The following CPLANE1 variants were observed in gnomAD, a reference collection of about 807,000 sequenced individuals.
CPLANE1 encodes the protein ciliogenesis and planar polarity effector 1.
In CPLANE1, 263 loss-of-function variants were observed where a neutral mutation model predicts 362.5. The observed-to-expected ratio is 0.73, with a 90% CI of 0.66 to 0.80. CPLANE1 has a LOEUF of 0.80. CPLANE1 is among the 30% of genes least tolerant of loss of function. The pLI is 0.00. For missense variants in CPLANE1, 3,461 were observed against 3,793.4 expected (o/e 0.91, Z 2.30); for synonymous variants, 1,212 against 1,302.6 (o/e 0.93, Z 1.50).
In CPLANE1 at chr5:37,180,007, A is replaced by G; in HGVS notation, c.5737+10T>C. The G allele has an allele frequency of 6.6e-7, 1 of 1,520,130 alleles. No homozygotes were observed. Among genetic ancestry groups the G allele is most frequent in the Non-Finnish European group, 8.8e-7 (1 of 1,138,246 alleles). 94.2% of individuals were successfully genotyped at this position (1,520,130 alleles called of 1,614,324 possible). ...AAAGCCAAAAAAATAGATTATCTAA[A>G]TGAACTGACCTTCATAGTCTGATAT... On this transcript the variant is annotated intron_variant, in intron 28 of 52. Coordinates refer to ENST00000651892, the MANE Select transcript of CPLANE1 (RefSeq NM_001384732.1).
the CPLANE1 span, among the ~76,000 whole-genome samples, chr5:37,101,091 A>G: frequency 3.9e-5 from 6 of 152,172 alleles, no homozygotes; most frequent in African/African-American, 1.4e-4. Flanking sequence ...TCCTATTTGA[A>G]TATGCTTTTT....
At chr5:37,156,809 A>C (rs1434168247) in intron 41 of CPLANE1, among the ~76,000 whole-genome samples, 1 of 152,196 alleles carries the variant, frequency 6.6e-6, no homozygotes, top group East Asian at 1.9e-4. Context: ...GAGGAAGGTA[A>C]GGGATGAGAA....
chr5:37,198,996 C>T, intron 19 of CPLANE1, 130 bp from the exon 20 acceptor site: 1 of 766,976 alleles, frequency 1.3e-6, no homozygotes, highest in Non-Finnish European at 2.0e-6. Flanking sequence ...CTTTGGAAGG[C>T]TGAAGCAGGA....
chr5:37,102,950 T>C (rs1392420571), downstream of CPLANE1, among the ~76,000 whole-genome samples: 1 of 152,220 alleles, frequency 6.6e-6, no homozygotes, highest in African/African-American at 2.4e-5. Flanking sequence ...AATATCTTTG[T>C]TAATTTTCTG....
rs186539221 is a variant in CPLANE1, at chr5:37,212,634, A to G, written c.2920+925T>C. Among the ~76,000 whole-genome samples, 701 of 152,370 alleles carry G rather than the reference A, an allele frequency of 4.6e-3. 5 individuals are homozygous for G. The highest frequency in any genetic ancestry group is 0.017 in the Middle Eastern group (5 of 294). On this transcript the variant is annotated intron_variant, in intron 16 of 52. Coordinates refer to ENST00000651892, the MANE Select transcript of CPLANE1 (RefSeq NM_001384732.1). Reference sequence around the variant, plus strand: ...ATAAAAATTAGAATGAATGAATATCATAGAAATTTGTGTACCTGTTTATAC... The same window carrying G: ...ATAAAAATTAGAATGAATGAATATCGTAGAAATTTGTGTACCTGTTTATAC...
chr5:37,163,995 C>T (rs1253076851), intron 37 of CPLANE1, among the ~76,000 whole-genome samples: 1 of 152,174 alleles, frequency 6.6e-6, no homozygotes. Flanking sequence ...AGGAGAATGA[C>T]CATCCCAGAG....
At chr5:37,146,822 T>A (rs919446643) in intron 43 of CPLANE1, among the ~76,000 whole-genome samples, 1 of 152,082 alleles carries the variant, frequency 6.6e-6, no homozygotes, top group African/African-American at 2.4e-5. Context: ...TTACATAAAA[T>A]TTTAAAAAAT....
intron 15 of CPLANE1, among the ~76,000 whole-genome samples, chr5:37,213,977 A>T (rs943142576): frequency 1.3e-5 from 2 of 151,980 alleles, no homozygotes; most frequent in Admixed American, 6.6e-5. Flanking sequence ...ATATATACAG[A>T]TTTTTTTTCC....
intron 41 of CPLANE1, among the ~76,000 whole-genome samples, chr5:37,156,433 G>A (rs796327183): frequency 4.6e-5 from 7 of 152,140 alleles, no homozygotes; most frequent in African/African-American, 1.7e-4. Flanking sequence ...GTGAGACCCT[G>A]TCTCTATGAA....
At chr5:37,150,757 G>A (rs984330840) in intron 42 of CPLANE1, among the ~76,000 whole-genome samples, 3 of 152,134 alleles carry the variant, frequency 2.0e-5, no homozygotes, top group African/African-American at 4.8e-5. Context: ...CTTATCAGTG[G>A]ACCTGGTATA....
chr5:37,131,286 G>A (rs566442761), intron 46 of CPLANE1, among the ~76,000 whole-genome samples: 1 of 152,194 alleles, frequency 6.6e-6, no homozygotes, highest in South Asian at 2.1e-4. Flanking sequence ...ACCCTACTGC[G>A]TGTCAATAGG....
At chr5:37,142,931 G>A (rs1048577045) in intron 43 of CPLANE1, among the ~76,000 whole-genome samples, 6 of 152,146 alleles carry the variant, frequency 3.9e-5, no homozygotes, top group Non-Finnish European at 8.8e-5. Flanking sequence ...ATGTATCTTA[G>A]AGCACTGAAG....
chr5:37,173,603 C>A, intron 32 of CPLANE1, 152 bp downstream of exon 32: 2 of 672,088 alleles, frequency 3.0e-6, no homozygotes, highest in Non-Finnish European at 4.8e-6. Context: ...CTGCGCCCAA[C>A]CAGTTATAAA....
intron 42 of CPLANE1, among the ~76,000 whole-genome samples, chr5:37,149,466 C>G (rs142763935): frequency 1.3e-5 from 2 of 152,146 alleles, no homozygotes; most frequent in Non-Finnish European, 2.9e-5. Flanking sequence ...AGTACAGATG[C>G]AACCATCCTT....
rs1775750616 is a variant in CPLANE1 at position 37,158,243 on chromosome 5, G to A, written c.7793C>T (p.Pro2598Leu). ...ACAAACCAAGTTTGTTACTGTATGAGGTATTGAGGGTGACCAAGGTTTCTC... is the reference window on the plus strand; with the variant it reads ...ACAAACCAAGTTTGTTACTGTATGAAGTATTGAGGGTGACCAAGGTTTCTC... ...MSEKPWSPSI[P>L]HTVTNLVGHT... The change falls in exon 39 of 53, where the codon CCT (proline) becomes CTT (leucine). Residue 2598 changes from proline (P) to leucine (L), a missense_variant. Physicochemically the swap from Pro to Leu is moderately conservative, Grantham distance 98 (BLOSUM62 -3). Coordinates refer to ENST00000651892, the MANE Select transcript of CPLANE1 (RefSeq NM_001384732.1). The A allele has an allele frequency of 6.2e-7, 1 of 1,613,720 alleles. No homozygotes were observed. The highest frequency in any genetic ancestry group is 8.5e-7 in the Non-Finnish European group (1 of 1,179,776).
downstream of CPLANE1, among the ~76,000 whole-genome samples, chr5:37,103,419 T>C (rs1757391938): frequency 6.6e-6 from 1 of 152,338 alleles, no homozygotes; most frequent in East Asian, 1.9e-4. Context: ...TGATGCTAAC[T>C]GGTTATTTTG....
At chr5:37,187,146 G>T (rs1322483788) in intron 23 of CPLANE1, among the ~76,000 whole-genome samples, 1 of 149,932 alleles carries the variant, frequency 6.7e-6, no homozygotes, top group Non-Finnish European at 1.5e-5. Context: ...TAACTGAAAG[G>T]TTGTACCCTT....
At position 37,138,701 on chromosome 5, in the gene CPLANE1, T is replaced by C. The variant is rs531297135; in HGVS notation, c.8792+19A>G. On this transcript the variant is annotated intron_variant, in intron 46 of 52. Coordinates refer to ENST00000651892, the MANE Select transcript of CPLANE1 (RefSeq NM_001384732.1). ...AGAAGCATTTTAAACAGGTTAAAAA[T>C]GAATTATTCAATGATTACCTGGAGG... The C allele has an allele frequency of 1.7e-4, 265 of 1,595,898 alleles. No homozygotes were observed. The highest frequency in any genetic ancestry group is 5.1e-6 in the Non-Finnish European group (6 of 1,174,804).
At chr5:37,237,837 G>A (rs1799363405) in intron 8 of CPLANE1, among the ~76,000 whole-genome samples, 1 of 151,414 alleles carries the variant, frequency 6.6e-6, no homozygotes, top group Non-Finnish European at 1.5e-5. Flanking sequence ...GTGACAGAGT[G>A]AGACTCCATC....
Sources: allele counts gnomAD v4.1 joint callset (sites outside exome capture counted in the v4.1 genomes callset), GRCh38; gene constraint gnomAD v4.1.1; transcripts MANE v1.5; gene names NCBI Gene and HGNC (gene_info 2026-07-23, HGNC 2026-07-21).